METTL21A: variants seen among roughly 807,000 people sequenced by gnomAD.
METTL21A encodes the protein protein N-lysine methyltransferase METTL21A.
In METTL21A, 22 loss-of-function variants were observed where a neutral mutation model predicts 20.9. The ratio of observed to expected loss-of-function variants is 1.05; its 90% confidence interval spans 0.75 to 1.50. The LOEUF (loss-of-function observed/expected upper bound fraction) is 1.50, where lower values mean the gene tolerates loss of function less well. Ranked by LOEUF, METTL21A falls within the 40% of genes most tolerant of loss-of-function variation. The pLI is 0.00. For missense variants in METTL21A, 271 were observed against 266.8 expected, an observed-to-expected ratio of 1.02 and a Z score of -0.11; for synonymous variants, 93 against 102.0, an observed-to-expected ratio of 0.91 and a Z score of 0.53.
chr2:207,605,767 T>C (rs1342219329), downstream of METTL21A, among the ~76,000 whole-genome samples: 3 of 152,226 alleles, frequency 2.0e-5, no homozygotes, highest in Non-Finnish European at 4.4e-5. Flanking sequence ...GTTACAGATA[T>C]ACAGAGGTTG....
chr2:207,620,891 G>A (rs929484589), intron 3 of METTL21A: 93 of 498,642 alleles, frequency 1.9e-4, no homozygotes, highest in African/African-American at 1.2e-3. Flanking sequence ...TAGACAATGC[G>A]ATGGGTTTAG....
intron 3 of METTL21A, among the ~76,000 whole-genome samples, chr2:207,588,726 T>C (rs2084354265): frequency 1.9e-5 from 1 of 51,372 alleles, no homozygotes; most frequent in South Asian, 1.4e-3. Flanking sequence ...AACTGTTTTC[T>C]GGTTTTTTTT....
chr2:207,604,165 G>A (rs971792616), downstream of METTL21A, among the ~76,000 whole-genome samples: 2 of 152,190 alleles, frequency 1.3e-5, no homozygotes, highest in Non-Finnish European at 2.9e-5. Context: ...GGACCTTCAG[G>A]AAAAGATTGC....
At chr2:207,614,619 G>A (rs1483047627) in intron 3 of METTL21A, among the ~76,000 whole-genome samples, 1 of 152,108 alleles carries the variant, frequency 6.6e-6, no homozygotes, top group East Asian at 1.9e-4. Context: ...ATTAATGTAG[G>A]TTAAAATGCT....
At chr2:207,602,528 A>AG (rs2087255080) in intron 3 of METTL21A, 1 of 209,748 alleles carries the variant, frequency 4.8e-6, no homozygotes, top group African/African-American at 2.3e-5. Flanking sequence ...CTTTTGTCTG[A>AG]GGAGCATCTC....
intron 3 of METTL21A, among the ~76,000 whole-genome samples, chr2:207,587,308 G>A (rs1027924704): frequency 2.4e-4 from 36 of 151,712 alleles, no homozygotes; most frequent in Admixed American, 5.9e-4. Flanking sequence ...CAGGAGAATG[G>A]CGTGAACCCG....
At chr2:207,583,047 AT>A (rs1421713024) in intron 3 of METTL21A, among the ~76,000 whole-genome samples, 1 of 152,040 alleles carries the variant, frequency 6.6e-6, no homozygotes, top group Admixed American at 6.6e-5. Flanking sequence ...CAATATAACA[AT>A]TTTTTAAATA....
chr2:207,613,474 G>C (rs767419231), intron 3 of METTL21A, 31 bp from the exon 4 acceptor site: 3 of 1,528,972 alleles, frequency 2.0e-6, no homozygotes, highest in Admixed American at 4.3e-5. Flanking sequence ...AAAGTGATGT[G>C]TACATCAGTA....
chr2:207,582,941 A>C, intron 3 of METTL21A: 1 of 191,096 alleles, frequency 5.2e-6, no homozygotes, highest in Non-Finnish European at 1.1e-5. Flanking sequence ...ACATACACAC[A>C]CACATACACC....
At chr2:207,586,102 T>G (rs138750164) in intron 3 of METTL21A, among the ~76,000 whole-genome samples, 1 of 152,228 alleles carries the variant, frequency 6.6e-6, no homozygotes, top group African/African-American at 2.4e-5. Context: ...AAGAAAAAAT[T>G]CTTATGGAAC....
chr2:207,582,788 G>T, intron 3 of METTL21A: 1 of 264,452 alleles, frequency 3.8e-6, no homozygotes, highest in Non-Finnish European at 7.7e-6. Context: ...AGCTACTCAG[G>T]CGGCTGAGGC....
chr2:207,620,203 G>A (rs910661233), intron 3 of METTL21A, among the ~76,000 whole-genome samples: 1 of 152,130 alleles, frequency 6.6e-6, no homozygotes, highest in Non-Finnish European at 1.5e-5. Flanking sequence ...CAGCACTTTG[G>A]GAGGCCAAGG....
downstream of METTL21A, among the ~76,000 whole-genome samples, chr2:207,604,796 A>T (rs950055579): frequency 6.6e-6 from 1 of 152,006 alleles, no homozygotes; most frequent in African/African-American, 2.4e-5. Context: ...GTTTCTTTGG[A>T]TTTACATCCG....
intron 3 of METTL21A, among the ~76,000 whole-genome samples, chr2:207,585,305 A>G (rs1015001978): frequency 2.0e-5 from 3 of 152,246 alleles, no homozygotes; most frequent in South Asian, 2.1e-4. Flanking sequence ...CATAGATGCC[A>G]TGAGAGAATC....
chr2:207,589,670 G>A (rs1194288381), intron 3 of METTL21A, among the ~76,000 whole-genome samples: 2 of 152,090 alleles, frequency 1.3e-5, no homozygotes, highest in African/African-American at 4.8e-5. Flanking sequence ...ATCATAAATT[G>A]TTGTTTAATC....
chr2:207,599,813 A>G (rs1204866347), intron 3 of METTL21A: 2 of 196,060 alleles, frequency 1.0e-5, no homozygotes, highest in East Asian at 8.0e-5. Flanking sequence ...ATGTGGCCAC[A>G]TTACCAGTAA....
chr2:207,600,622 T>G (rs1483620627), intron 3 of METTL21A: 1 of 212,304 alleles, frequency 4.7e-6, no homozygotes, highest in Non-Finnish European at 9.5e-6. Context: ...TCAAAAATCA[T>G]CCTGGGGGAG....
chr2:207,622,001 C>A, intron 2 of METTL21A, 84 bp from the exon 3 acceptor site: 1 of 1,151,182 alleles, frequency 8.7e-7, no homozygotes, highest in South Asian at 1.3e-5. Context: ...ACACCCACCC[C>A]TCTCCCACTT....
At chr2:207,618,259 A>G (rs1325547439) in intron 3 of METTL21A, among the ~76,000 whole-genome samples, 3 of 152,136 alleles carry the variant, frequency 2.0e-5, no homozygotes, top group Non-Finnish European at 4.4e-5. Context: ...TATTCTATGG[A>G]TACAGCAGTT....
Sources: gnomAD v4.1 joint callset for allele counts (sites outside exome capture counted in the v4.1 genomes callset) on GRCh38, gnomAD v4.1.1 for gene constraint, MANE v1.5 for transcripts, NCBI Gene and HGNC (gene_info 2026-07-23, HGNC 2026-07-21) for gene names.